ITGA7: variants seen among roughly 807,000 people sequenced by gnomAD.
ITGA7 encodes the protein integrin subunit alpha 7.
In ITGA7, 84 loss-of-function variants were observed where a neutral mutation model predicts 131.6. That is an observed-to-expected ratio of 0.64 (90% CI 0.54 to 0.77). ITGA7 has a LOEUF of 0.77. Among genes scored for constraint, ITGA7 ranks in the 30% least tolerant of loss-of-function variants. ITGA7 has a pLI of 0.00. For synonymous variants in ITGA7, 548 were observed against 600.7 expected, an observed-to-expected ratio of 0.91 and a Z score of 1.28; for missense variants, 1,399 against 1,482.9, an observed-to-expected ratio of 0.94 and a Z score of 0.93.
upstream of ITGA7, among the ~76,000 whole-genome samples, chr12:55,711,810 C>T (rs914748897): frequency 4.6e-5 from 7 of 152,220 alleles, no homozygotes; most frequent in Non-Finnish European, 2.9e-5. Flanking sequence ...TGAGTGGAAG[C>T]TGAGGCTTTC....
In ITGA7 at chr12:55,685,084, C is replaced by T. The variant is rs770066237; in HGVS notation, c.3388G>A (p.Gly1130Arg). Residue 1130 changes from glycine to arginine, a missense_variant, in exon 25 of 25, where the codon GGG becomes AGG. Transcript: ENST00000257879. ...ADGHPELGPDGHPGPGTA is the reference protein window; with the variant it reads ...ADGHPELGPDRHPGPGTA ...TAGGCGGTGCCTGGCCCTGGATGCC[C>T]ATCGGGGCCCAGCTCGGGATGCCCG... The T allele has an allele frequency of 1.6e-5, 25 of 1,599,680 alleles. No individual in the cohort carries two copies. The African/African-American group carries it at 3.2e-4, about 21-fold the overall frequency.
chr12:55,685,942 A>G (rs999552117), intron 24 of ITGA7, among the ~76,000 whole-genome samples: 6 of 152,146 alleles, frequency 3.9e-5, no homozygotes, highest in African/African-American at 1.2e-4. Context: ...ATGCCCATAG[A>G]AAAAAGCATG....
chr12:55,688,072 G>A lies in ITGA7; in HGVS notation c.3082C>T (p.Pro1028Ser), dbSNP rs779998014. 5.0e-6 allele frequency: 8 copies of A among 1,614,130 alleles called. No homozygotes were observed. Among genetic ancestry groups the A allele is most frequent in the South Asian group, 2.2e-5 (2 of 91,074 alleles). Reference sequence around the variant, plus strand: ...ACTCCTTCTGCCACCACAGCCATGGGGTCCAAGTATACCATCACTGGGATC... The same window carrying A: ...ACTCCTTCTGCCACCACAGCCATGGAGTCCAAGTATACCATCACTGGGATC... ...TVIPVMVYLDPMAVVAEGVPW... is the reference protein window; with the variant it reads ...TVIPVMVYLDSMAVVAEGVPW... The change falls in exon 24 of 25, where the codon CCC becomes TCC. Residue 1028 changes from proline (P) to serine (S), a missense_variant. By Grantham distance (74) the Pro-to-Ser change is moderately conservative. Coordinates refer to ENST00000257879, the MANE Select transcript of ITGA7 (RefSeq NM_002206.3).
intron 22 of ITGA7, 97 bp downstream of exon 22, chr12:55,688,747 G>C: frequency 1.1e-6 from 1 of 886,280 alleles, no homozygotes; most frequent in Non-Finnish European, 1.9e-6. Context: ...GGGGGGGGAT[G>C]CTGCATTTGG....
At chr12:55,686,211 C>T (rs1251448140) in intron 24 of ITGA7, 1 of 1,349,784 alleles carries the variant, frequency 7.4e-7, no homozygotes, top group East Asian at 4.6e-5. Context: ...CCCCACAGTC[C>T]CTGGACCCCC....
chr12:55,711,481 A>AG (rs932264196), upstream of ITGA7, among the ~76,000 whole-genome samples: 3 of 151,898 alleles, frequency 2.0e-5, no homozygotes, highest in African/African-American at 2.4e-5. Flanking sequence ...CTGCCTCAAA[A>AG]AAAAAAAAAA....
chr12:55,695,508 TCTG>T lies in ITGA7; in HGVS notation c.2003+11_2003+13del. ...TTGCCCTCCCACCCCCACCCTGCTCTCTGCCCCCCTCACATGGGCAGAGGTTGG... is the reference window on the plus strand; with the variant it reads ...TTGCCCTCCCACCCCCACCCTGCTCTCCCCCCTCACATGGGCAGAGGTTGG... On this transcript the variant is annotated intron_variant, in intron 14 of 24. Coordinates refer to ENST00000257879, the MANE Select transcript of ITGA7 (RefSeq NM_002206.3). 1 of 1,151,790 alleles carries T rather than the reference TCTG, an allele frequency of 8.7e-7. No homozygotes were observed. Among genetic ancestry groups the T allele is most frequent in the Non-Finnish European group, 1.3e-6 (1 of 771,498 alleles). The allele number at this position is 1,151,790 out of a possible 1,614,324, so 71.3% of individuals were successfully genotyped here.
chr12:55,715,689 C>T (rs113256441), upstream of ITGA7, among the ~76,000 whole-genome samples: 1,380 of 152,142 alleles, frequency 9.1e-3, 22 homozygotes, highest in African/African-American at 0.032. Flanking sequence ...AGGAAAGCAT[C>T]CTCTCCTTGA....
At chr12:55,701,467 C>T (rs545717590) in intron 3 of ITGA7, 12 of 1,536,818 alleles carry the variant, frequency 7.8e-6, no homozygotes, top group African/African-American at 6.9e-5. Context: ...ATGTGTGTCT[C>T]CCTGATCATG....
At position 55,688,194 on chromosome 12, in the gene ITGA7, C is replaced by T. The variant is rs149798650; in HGVS notation, c.3057+8G>A. ...CCTCCCCACCTATCCCCCAACCCTGCAGCTCACCACTGTGGAGGCATCTCG... is the reference window on the plus strand; with the variant it reads ...CCTCCCCACCTATCCCCCAACCCTGTAGCTCACCACTGTGGAGGCATCTCG... On this transcript the variant is annotated splice_region_variant and intron_variant, in intron 23 of 24. Transcript: ENST00000257879. 11 of 1,613,788 alleles carry T rather than the reference C, an allele frequency of 6.8e-6. No individual in the cohort carries two copies. Among genetic ancestry groups the T allele is most frequent in the Middle Eastern group, 1.6e-4 (1 of 6,062 alleles).
chr12:55,715,437 C>T (rs1384376798), upstream of ITGA7, among the ~76,000 whole-genome samples: 8 of 152,134 alleles, frequency 5.3e-5, no homozygotes, highest in Non-Finnish European at 1.0e-4. Context: ...TTTTAGTTCA[C>T]AGAGGCCTTA....
Position 55,707,463 on chromosome 12 carries a change from G to C in ITGA7, c.206+14C>G, listed in dbSNP as rs568733321. On this transcript the variant is annotated intron_variant, in intron 1 of 24. Transcript: ENST00000257879. ...GCTCGGGCATGGCGACTCTGGGCGG[G>C]TGCGGTGACTCACCAGCTCTGGGGT... The C allele has an allele frequency of 6.2e-7, 1 of 1,605,924 alleles. No homozygotes were observed. Among genetic ancestry groups the C allele is most frequent in the African/African-American group, 1.3e-5 (1 of 74,884 alleles).
rs1312920904 is a variant in ITGA7, at chr12:55,688,211, G to A, written c.3048C>T (p.Ala1016=). The change falls in exon 23 of 25, where the codon GCC becomes GCT. Residue 1016 remains alanine (A), a synonymous_variant. Coordinates refer to ENST00000257879, the MANE Select transcript of ITGA7 (RefSeq NM_002206.3). ...SSIKNLMLRD[A]STVIPVMVYL... ...CAACCCTGCAGCTCACCACTGTGGAGGCATCTCGGAGCATCAAGTTCTTTA... is the reference window on the plus strand; with the variant it reads ...CAACCCTGCAGCTCACCACTGTGGAAGCATCTCGGAGCATCAAGTTCTTTA... 2 of 1,614,054 alleles carry A rather than the reference G, an allele frequency of 1.2e-6. No individual in the cohort carries two copies. The highest frequency in any genetic ancestry group is 3.3e-5 in the Admixed American group (2 of 60,024).
chr12:55,712,302 C>G (rs77590613), upstream of ITGA7: 156 of 1,476,522 alleles, frequency 1.1e-4, no homozygotes, highest in African/African-American at 2.0e-3. Flanking sequence ...TTTCTTTGAG[C>G]ACTGGCTTCA....
rs1478540514 is a variant in ITGA7, at chr12:55,697,198, AG to A, written c.1567+17del. ...GGAAACCCAAAAGGGCGAGCCACAG[AG>A]GGGGGACCGCACTCACCCACAGTAG... On this transcript the variant is annotated intron_variant, in intron 11 of 24. Transcript: ENST00000257879. 5 of 1,591,062 alleles carry A rather than the reference AG, an allele frequency of 3.1e-6. No individual in the cohort carries two copies. In the African/African-American group the frequency reaches 4.0e-5, roughly 13 times the overall value.
In ITGA7 at chr12:55,694,249, G is replaced by C; in HGVS notation, c.2432+7C>G. On this transcript the variant is annotated splice_region_variant and intron_variant, in intron 18 of 24. Transcript: ENST00000257879. This position sits in a 1 kb window ranked among gnomAD's most constrained non-coding sequence, Gnocchi z 5.3. ...CCAATGGAGGTGCCCCCTTGGGCCA[G>C]GCTCACCCTGCAATGGACAGTGGCA... 6.2e-7 allele frequency: 1 copy of C among 1,614,078 alleles called. No homozygotes were observed. The highest frequency in any genetic ancestry group is 1.1e-5 in the South Asian group (1 of 91,086).
chr12:55,696,161 G>T (rs1872578878), intron 13 of ITGA7, 122 bp downstream of exon 13: 3 of 1,057,932 alleles, frequency 2.8e-6, no homozygotes, highest in Non-Finnish European at 1.4e-6. Flanking sequence ...GAGATATGAG[G>T]AATTACTGGA....
chr12:55,697,036 G>C lies in ITGA7; in HGVS notation c.1600C>G (p.Arg534Gly). The change falls in exon 12 of 25, where the codon CGG (arginine) becomes GGG (glycine). Residue 534 changes from arginine (R) to glycine (G), a missense_variant. By Grantham distance (125) the Arg-to-Gly change is moderately radical. Transcript: ENST00000257879. Reference protein sequence around the residue: ...LDYVLDADTDRRLRGQVPRVT... With the variant: ...LDYVLDADTDGRLRGQVPRVT... ...CGGGGAACCTGGCCCCGGAGCCTCCGGTCTGTGTCCGCATCTAACACATAG... is the reference window on the plus strand; with the variant it reads ...CGGGGAACCTGGCCCCGGAGCCTCCCGTCTGTGTCCGCATCTAACACATAG... The C allele has an allele frequency of 6.2e-7, 1 of 1,614,016 alleles. No individual in the cohort carries two copies. Among genetic ancestry groups the C allele is most frequent in the Non-Finnish European group, 8.5e-7 (1 of 1,180,006 alleles).
upstream of ITGA7, among the ~76,000 whole-genome samples, chr12:55,713,250 C>G (rs1016112592): frequency 1.3e-5 from 2 of 152,172 alleles, no homozygotes; most frequent in African/African-American, 4.8e-5. Flanking sequence ...GATGCTCTCA[C>G]TCTTCCCACT....
Sources: gnomAD v4.1 joint callset for allele counts (sites outside exome capture counted in the v4.1 genomes callset) on GRCh38, gnomAD v4.1.1 for gene constraint, Gnocchi (gnomAD v3.1) non-coding constraint, MANE v1.5 for transcripts, NCBI Gene and HGNC (gene_info 2026-07-23, HGNC 2026-07-21) for gene names.